NEIL1: variants seen among roughly 807,000 people sequenced by gnomAD.
The protein encoded by NEIL1 is endonuclease 8-like 1.
A neutral mutation model predicts 44.2 loss-of-function variants in NEIL1; 31 were observed. The observed-to-expected ratio is 0.70, with a 90% CI of 0.53 to 0.95. NEIL1 has a LOEUF of 0.95. NEIL1 is among the 40% of genes least tolerant of loss of function. The probability of loss-of-function intolerance (pLI) is 0.00; values close to 1 mark genes in which losing one functional copy is unlikely to be tolerated. For missense variants in NEIL1, 549 were observed against 515.5 expected (o/e 1.07, Z -0.63); for synonymous variants, 254 against 209.7 (o/e 1.21, Z -1.83).
In NEIL1 at chr15:75,356,205, G is replaced by GGGGCTGCTCTC; in HGVS notation, c.*1172_*1182dup. 6.2e-7 allele frequency: 1 copy of GGGGCTGCTCTC among 1,613,326 alleles called. No homozygotes were observed. On this transcript the variant is annotated 3_prime_UTR_variant, in exon 10 of 10. Coordinates refer to ENST00000355059, the MANE Select transcript of NEIL1 (RefSeq NM_024608.4). This position sits in a 1 kb window ranked among gnomAD's most constrained non-coding sequence, Gnocchi z 5.8. ...GCCTCAGGACCAGCGAGCGGCGCTG[G>GGGGCTGCTCTC]GGGCTGCTCTCCGCCTGCAGAGGAA...
intron 2 of NEIL1, 189 bp downstream of exon 2, chr15:75,349,528 T>C (rs777963886): frequency 8.1e-6 from 5 of 614,116 alleles, no homozygotes; most frequent in East Asian, 2.8e-5. Flanking sequence ...TCAAAACTAA[T>C]TGGGGGCCGG....
At chr15:75,351,363 C>A (rs894312746) in intron 2 of NEIL1, 1 of 416,080 alleles carries the variant, frequency 2.4e-6, no homozygotes, top group Non-Finnish European at 4.7e-6. Flanking sequence ...GCAGCCTTAA[C>A]CTCCAGGGCT....
chr15:75,349,390 C>CTGGAACCACAGGAGTGCA, intron 2 of NEIL1, 51 bp downstream of exon 2: 1 of 1,518,248 alleles, frequency 6.6e-7, no homozygotes, highest in Non-Finnish European at 8.9e-7. Flanking sequence ...CCACACCTGA[C>CTGGAACCACAGGAGTGCA]TCTCTTAGTG....
At chr15:75,349,393 T>A in intron 2 of NEIL1, 54 bp downstream of exon 2, 1 of 1,503,858 alleles carries the variant, frequency 6.6e-7, no homozygotes, top group Non-Finnish European at 8.9e-7. Flanking sequence ...CACCTGACTC[T>A]CTTAGTGCCT....
chr15:75,348,499 C>T, intron 1 of NEIL1: 1 of 1,062,646 alleles, frequency 9.4e-7, no homozygotes, highest in South Asian at 3.3e-5. Flanking sequence ...AAGTCTCCCT[C>T]AAGTGTCTGG....
chr15:75,352,401 G>A lies in NEIL1; in HGVS notation c.618+14G>A, dbSNP rs1442225503. On this transcript the variant is annotated intron_variant, in intron 4 of 9. Coordinates refer to ENST00000355059, the MANE Select transcript of NEIL1 (RefSeq NM_024608.4). The stretch of plus-strand genomic sequence containing the variant: ...CAGCACAGGCCGGTAAGCCCAGAGA[G>A]GGATGGAGCACACGTGCTGGCACAC... 6.2e-7 allele frequency: 1 copy of A among 1,613,040 alleles called. No homozygotes were observed. Among genetic ancestry groups the A allele is most frequent in the Non-Finnish European group, 8.5e-7 (1 of 1,179,990 alleles).
At position 75,355,265 on chromosome 15, in the gene NEIL1, G is replaced by T; in HGVS notation, c.*231G>T. On this transcript the variant is annotated 3_prime_UTR_variant, in exon 10 of 10. Coordinates refer to ENST00000355059, the MANE Select transcript of NEIL1 (RefSeq NM_024608.4). ...CATTTGAACTTCTTGGCACCTCTTG[G>T]TCTGAGATGGCCAGGTAGGAAGGGC... 1 of 509,590 alleles carries T rather than the reference G, an allele frequency of 2.0e-6. No individual in the cohort carries two copies. The allele number at this position is 509,590 out of a possible 1,614,324, so 31.6% of individuals were successfully genotyped here. A position where few individuals can be genotyped will look rare whatever the true frequency, so the allele number is the denominator to read the frequency against.
Position 75,352,386 on chromosome 15 carries a change from C to T in NEIL1, c.617C>T (p.Pro206Leu), listed in dbSNP as rs541061967. 7.4e-5 allele frequency: 120 copies of T among 1,613,606 alleles called. 3 individuals carry two copies. In the South Asian group the frequency reaches 9.4e-4, roughly 13 times the overall value. ...SVLEALQQHR[P>L]SPELTLSQKI... ...CTGGAGGCCCTGCAGCAGCACAGGC[C>T]GGTAAGCCCAGAGAGGGATGGAGCA... The change falls in exon 4 of 10, where the codon CCG becomes CTG. Residue 206 changes from proline (P) to leucine (L), a missense_variant and splice_region_variant. Physicochemically the swap from Pro to Leu is moderately conservative, Grantham distance 98 (BLOSUM62 -3). Coordinates refer to ENST00000355059, the MANE Select transcript of NEIL1 (RefSeq NM_024608.4).
In NEIL1 at chr15:75,354,978, C is replaced by G. The variant is rs776364885; in HGVS notation, c.1117C>G (p.Arg373Gly). Reference sequence around the variant, plus strand: ...TCTTCCCCCAGGCCACTGCAGACCCCGGAAGGTCAAGGCTGACATCCCATC... The same window carrying G: ...TCTTCCCCCAGGCCACTGCAGACCCGGGAAGGTCAAGGCTGACATCCCATC... ...RQAASGHCRPRKVKADIPSLE... is the reference protein window; with the variant it reads ...RQAASGHCRPGKVKADIPSLE... The change falls in exon 10 of 10, where the codon CGG becomes GGG. Residue 373 changes from arginine (R) to glycine (G), a missense_variant. By Grantham distance (125) the Arg-to-Gly change is moderately radical. Coordinates refer to ENST00000355059, the MANE Select transcript of NEIL1 (RefSeq NM_024608.4). 33 of 1,614,100 alleles carry G rather than the reference C, an allele frequency of 2.0e-5. No homozygotes were observed. The highest frequency in any genetic ancestry group is 2.7e-5 in the Non-Finnish European group (32 of 1,180,000).
chr15:75,347,776 G>A (rs1340740620), intron 1 of NEIL1: 2 of 1,110,816 alleles, frequency 1.8e-6, no homozygotes, highest in South Asian at 3.6e-5. Context: ...CCGAGGACAG[G>A]GTCGCAGCGG....
At position 75,357,028 on chromosome 15, in the gene NEIL1, T is replaced by C; in HGVS notation, c.*1994T>C. ...CACACAACTGAACTCCAGCTCCCAC[T>C]GTACGGGGCCCTGGGCATGCCACCC... On this transcript the variant is annotated 3_prime_UTR_variant, in exon 10 of 10. Transcript: ENST00000355059. The C allele has an allele frequency of 1.4e-6, 1 of 728,928 alleles. No homozygotes were observed. The highest frequency in any genetic ancestry group is 2.3e-6 in the Non-Finnish European group (1 of 435,256). 45.2% of individuals were successfully genotyped at this position (728,928 alleles called of 1,614,324 possible). A position where few individuals can be genotyped will look rare whatever the true frequency, so the allele number is the denominator to read the frequency against.
At chr15:75,347,665 C>CG (rs1170933145) in intron 1 of NEIL1, 192 bp downstream of exon 1, 2 of 315,916 alleles carry the variant, frequency 6.3e-6, no homozygotes, top group Non-Finnish European at 9.4e-6. Flanking sequence ...TGCGGGTTCC[C>CG]GGGGAGGGGG....
Position 75,356,621 on chromosome 15 carries a change from G to A in NEIL1, c.*1587G>A, listed in dbSNP as rs143948983. The A allele has an allele frequency of 6.4e-7, 1 of 1,563,844 alleles. No individual in the cohort carries two copies. The highest frequency in any genetic ancestry group is 8.7e-7 in the Non-Finnish European group (1 of 1,154,576). ...CAGCACTCACCCTTGTGCGGCATCA[G>A]TGCATAGGTGAACTCGTGGCGCCCC... On this transcript the variant is annotated 3_prime_UTR_variant, in exon 10 of 10. Transcript: ENST00000355059. The surrounding 1 kb of genome is among the most constrained non-coding windows in gnomAD (Gnocchi z 5.8).
chr15:75,348,488 G>A, intron 1 of NEIL1: 1 of 1,047,886 alleles, frequency 9.5e-7, no homozygotes, highest in Non-Finnish European at 1.2e-6. Context: ...GGGGGGTCAG[G>A]AAGTCTCCCT....
In NEIL1 at chr15:75,349,258, G is replaced by A. The variant is rs1294655929; in HGVS notation, c.353G>A (p.Arg118His). 3.1e-6 allele frequency: 5 copies of A among 1,611,096 alleles called. No homozygotes were observed. In the African/African-American group the frequency reaches 4.0e-5, roughly 13 times the overall value. The change falls in exon 2 of 10, where the codon CGC (arginine) becomes CAC (histidine). Residue 118 changes from arginine (R) to histidine (H), a missense_variant. By Grantham distance (29) the Arg-to-His change is conservative. Coordinates refer to ENST00000355059, the MANE Select transcript of NEIL1 (RefSeq NM_024608.4). ...PRLALCFVDIRRFGRWDLGGK... is the reference protein window; with the variant it reads ...PRLALCFVDIHRFGRWDLGGK... ...CTCGCCCTATGTTTCGTGGACATCCGCCGGTTCGGCCGCTGGGACCTTGGG... is the reference window on the plus strand; with the variant it reads ...CTCGCCCTATGTTTCGTGGACATCCACCGGTTCGGCCGCTGGGACCTTGGG...
chr15:75,356,038 G>C lies in NEIL1; in HGVS notation c.*1004G>C, dbSNP rs2072281933. The C allele has an allele frequency of 6.2e-7, 1 of 1,613,926 alleles. No individual in the cohort carries two copies. Among genetic ancestry groups the C allele is most frequent in the Non-Finnish European group, 8.5e-7 (1 of 1,179,916 alleles). On this transcript the variant is annotated 3_prime_UTR_variant, in exon 10 of 10. Coordinates refer to ENST00000355059, the MANE Select transcript of NEIL1 (RefSeq NM_024608.4). The surrounding 1 kb of genome is among the most constrained non-coding windows in gnomAD (Gnocchi z 5.8). ...GTCGCTCCAAGAGATCGCAGCTGGA[G>C]AACAGGAGGGGCCATGAAGGCTCTG... is the stretch of plus-strand genomic sequence containing the variant.
In NEIL1 at chr15:75,352,663, A is replaced by T; in HGVS notation, c.680A>T (p.Glu227Val). 1 of 1,613,310 alleles carries T rather than the reference A, an allele frequency of 6.2e-7. No homozygotes were observed. Among genetic ancestry groups the T allele is most frequent in the Non-Finnish European group, 8.5e-7 (1 of 1,179,624 alleles). ...RTKLQNPDLL[E>V]LCHSVPKEVV... is the part of the protein sequence containing the mutation. ...AAGCTGCAGAATCCAGACCTGCTGG[A>T]GCTATGTCACTCAGTGCCCAAGGAA... Residue 227 changes from glutamate to valine, a missense_variant, in exon 5 of 10, where the codon GAG becomes GTG. Physicochemically the swap from Glu to Val is moderately radical, Grantham distance 121. Transcript: ENST00000355059.
Position 75,355,986 on chromosome 15 carries a change from G to C in NEIL1, c.*952G>C, listed in dbSNP as rs139418901. The C allele has an allele frequency of 1.9e-6, 3 of 1,613,944 alleles. No homozygotes were observed. Among genetic ancestry groups the C allele is most frequent in the Non-Finnish European group, 2.5e-6 (3 of 1,179,986 alleles). ...AAGGTGAGCTTCAGGCGGTTGTCCC[G>C]AAGGGTCAAGTGGCCAGCAGGGTCT... On this transcript the variant is annotated 3_prime_UTR_variant, in exon 10 of 10. Transcript: ENST00000355059.
At chr15:75,351,854 T>C (rs2071916295) in intron 2 of NEIL1, 5 of 399,728 alleles carry the variant, frequency 1.3e-5, no homozygotes, top group South Asian at 1.1e-4. Context: ...CCTCCTGACC[T>C]CAAGTGATCT....
Sources: allele counts gnomAD v4.1 joint callset, GRCh38; gene constraint gnomAD v4.1.1; non-coding constraint Gnocchi (gnomAD v3.1); transcripts MANE v1.5; gene names NCBI Gene and HGNC (gene_info 2026-07-23, HGNC 2026-07-21).